GPC3: variants seen among roughly 807,000 people sequenced by gnomAD.
The protein encoded by GPC3 is glypican 3.
In GPC3, 3 loss-of-function variants were observed where a neutral mutation model predicts 34.4. The ratio of observed to expected loss-of-function variants is 0.09; its 90% CI spans 0.04 to 0.23. GPC3 has a LOEUF of 0.23. Among genes scored for constraint, GPC3 ranks in the 10% least tolerant of loss-of-function variants. The pLI, the probability that GPC3 is intolerant of heterozygous loss-of-function variation, is 1.00. For missense variants in GPC3, 351 were observed against 445.6 expected (o/e 0.79, Z 1.91); for synonymous variants, 177 against 174.0 (o/e 1.02, Z -0.13).
chrX:133,942,333 C>T (rs1304186694), intron 2 of GPC3, among the ~76,000 whole-genome samples: 1 of 111,724 alleles, frequency 9.0e-6, no homozygotes, highest in Non-Finnish European at 1.9e-5. Context: ...TATTTAATTA[C>T]ACGGACATTA....
intron 7 of GPC3, among the ~76,000 whole-genome samples, chrX:133,587,462 A>G (rs2069801034): frequency 8.9e-6 from 1 of 111,938 alleles, no homozygotes; most frequent in Non-Finnish European, 1.9e-5. Context: ...GTAAATGCCC[A>G]GTAGTGAGAT....
chrX:133,688,630 T>C (rs2071032204), intron 5 of GPC3, among the ~76,000 whole-genome samples: 1 of 111,747 alleles, frequency 8.9e-6, no homozygotes, highest in Non-Finnish European at 1.9e-5. Context: ...GTGTCTCCAC[T>C]GACAAGTCTC....
chrX:133,849,346 G>T (rs1160043992), intron 2 of GPC3, among the ~76,000 whole-genome samples: 1 of 110,610 alleles, frequency 9.0e-6, no homozygotes, highest in Admixed American at 9.6e-5. Flanking sequence ...TGAGTTCACT[G>T]AAGTTCCATA....
At chrX:133,785,740 A>ATGATG (rs2072094656) in intron 2 of GPC3, among the ~76,000 whole-genome samples, 1 of 112,153 alleles carries the variant, frequency 8.9e-6, no homozygotes, top group Non-Finnish European at 1.9e-5. Context: ...ATAAAATGAC[A>ATGATG]TGATGTCTAA....
rs1295925067 is a variant in GPC3, at chrX:133,536,302, CAA to C, written c.1574-11_1574-10del. 8.4e-7 allele frequency: 1 copy of C among 1,184,187 alleles called. No homozygotes were observed. Among genetic ancestry groups the C allele is most frequent in the Non-Finnish European group, 1.1e-6 (1 of 870,419 alleles). ...CAGATCATAGGCCAGTTCTGTCAAT[CAA>C]AAGAGAAGGATTTGAAATGCAAGTC... On this transcript the variant is annotated splice_polypyrimidine_tract_variant and intron_variant, in intron 7 of 7. Coordinates refer to ENST00000370818, the MANE Select transcript of GPC3 (RefSeq NM_004484.4).
chrX:133,735,399 A>G lies in GPC3; in HGVS notation c.1032+18083T>C, dbSNP rs192679007. ...AACAAATGGAACTTGGGACAAAAGG[A>G]TATCCACATATAGAAGAATGAAGTT... On this transcript the variant is annotated intron_variant, in intron 3 of 7. Transcript: ENST00000370818. Among the ~76,000 whole-genome samples, 319 of 111,688 alleles carry G rather than the reference A, an allele frequency of 2.9e-3. 1 individual carries two copies. Among genetic ancestry groups the G allele is most frequent in the Middle Eastern group, 0.014 (3 of 215 alleles).
In GPC3 at chrX:133,823,128, C is replaced by CA. The variant is rs34231185; in HGVS notation, c.338-68953dup. 3.7e-4 allele frequency among the ~76,000 whole-genome samples: 7 copies of CA among 18,869 alleles called. 1 individual carries two copies. The highest frequency in any genetic ancestry group is 8.6e-4 in the African/African-American group (4 of 4,643). 16.4% of individuals were successfully genotyped at this position (18,869 alleles called of 115,157 possible). On this transcript the variant is annotated intron_variant, in intron 2 of 7. Transcript: ENST00000370818. ...TGGGTGACAGAGCAAGACTCCGTCT[C>CA]AAAAAAAAAAAAAAAAAAAAAAAAA...
rs1051587825 is a variant in GPC3, at chrX:133,789,920, T to A, written c.338-35744A>T. Among the ~76,000 whole-genome samples, 60 of 111,957 alleles carry A rather than the reference T, an allele frequency of 5.4e-4. 2 individuals are homozygous for A. The Admixed American group carries it at 5.7e-3, about 11-fold the overall frequency. ...TGGGGAACTCCTACTTAACTACTGT[T>A]TTTTTCTTTCCTTTAGCTCCCCAAG... On this transcript the variant is annotated intron_variant, in intron 2 of 7. Coordinates refer to ENST00000370818, the MANE Select transcript of GPC3 (RefSeq NM_004484.4).
At chrX:133,579,085 T>TC (rs1374186750) in intron 7 of GPC3, among the ~76,000 whole-genome samples, 3 of 111,402 alleles carry the variant, frequency 2.7e-5, no homozygotes, top group Non-Finnish European at 5.7e-5. Context: ...CTTTCTCATC[T>TC]CCAAGTCATT....
chrX:133,787,007 C>A (rs559756369), intron 2 of GPC3, among the ~76,000 whole-genome samples: 16 of 111,903 alleles, frequency 1.4e-4, no homozygotes, highest in African/African-American at 4.9e-4. Context: ...GTGGGTATTT[C>A]ACTCCTTTCT....
intron 7 of GPC3, among the ~76,000 whole-genome samples, chrX:133,582,529 G>C (rs2069741306): frequency 8.9e-6 from 1 of 112,489 alleles, no homozygotes; most frequent in Non-Finnish European, 1.9e-5. Context: ...GATAAGTACA[G>C]ACATTGAAAA....
chrX:133,968,722 G>A (rs2076475914), intron 1 of GPC3, among the ~76,000 whole-genome samples: 1 of 105,974 alleles, frequency 9.4e-6, no homozygotes, highest in South Asian at 4.0e-4. Context: ...GGCAACCTAG[G>A]CTTTTTTTTT....
At chrX:133,971,461 G>T (rs747683490) in intron 1 of GPC3, among the ~76,000 whole-genome samples, 1 of 111,961 alleles carries the variant, frequency 8.9e-6, no homozygotes, top group East Asian at 2.8e-4. Flanking sequence ...GACAGAAGTG[G>T]AGAAGGCAGA....
intron 1 of GPC3, among the ~76,000 whole-genome samples, chrX:133,968,308 G>A: frequency 8.9e-6 from 1 of 112,037 alleles, no homozygotes; most frequent in East Asian, 2.8e-4. Flanking sequence ...CAGGGAGAGG[G>A]GAGTATTTGA....
intron 6 of GPC3, among the ~76,000 whole-genome samples, chrX:133,655,942 G>C: frequency 8.9e-6 from 1 of 112,288 alleles, no homozygotes; most frequent in Non-Finnish European, 1.9e-5. Flanking sequence ...TTGCACTAGA[G>C]TCTGCCAGGC....
intron 3 of GPC3, among the ~76,000 whole-genome samples, chrX:133,751,196 C>A (rs1456780300): frequency 9.0e-6 from 1 of 111,114 alleles, no homozygotes; most frequent in African/African-American, 3.3e-5. Flanking sequence ...CAGAGGCAAC[C>A]TTTGAACACT....
intron 6 of GPC3, among the ~76,000 whole-genome samples, chrX:133,650,036 C>T (rs749098520): frequency 2.8e-4 from 31 of 111,983 alleles, no homozygotes; most frequent in Non-Finnish European, 5.3e-4. Context: ...TAGCCACAAG[C>T]CCTGTGAATT....
chrX:133,681,634 C>T (rs762004502), intron 5 of GPC3, among the ~76,000 whole-genome samples: 72 of 112,010 alleles, frequency 6.4e-4, no homozygotes, highest in African/African-American at 2.2e-3. Context: ...ACCACCACCA[C>T]AATCCAACGA....
rs201942331 is a variant in GPC3 at position 133,754,145 on chromosome X, C to G, written c.369G>C (p.Lys123Asn). The G allele has an allele frequency of 2.1e-5, 25 of 1,174,878 alleles. No homozygotes were observed. Among genetic ancestry groups the G allele is most frequent in the Non-Finnish European group, 2.5e-5 (22 of 869,934 alleles). ...TCTTGAACATGGCATTGGTGTAGTTCTTGGCATGGCGAACAACAATTTCAA... is the reference window on the plus strand; with the variant it reads ...TCTTGAACATGGCATTGGTGTAGTTGTTGGCATGGCGAACAACAATTTCAA... ...EAFEIVVRHA[K>N]NYTNAMFKNN... Residue 123 changes from lysine (K) to asparagine (N), a missense_variant, in exon 3 of 8, where the codon AAG (lysine) becomes AAC (asparagine). Physicochemically the swap from Lys to Asn is moderately conservative, Grantham distance 94 (BLOSUM62 0). Coordinates refer to ENST00000370818, the MANE Select transcript of GPC3 (RefSeq NM_004484.4).
Sources: gnomAD v4.1 joint callset for allele counts (sites outside exome capture counted in the v4.1 genomes callset) on GRCh38, gnomAD v4.1.1 for gene constraint, MANE v1.5 for transcripts, NCBI Gene and HGNC (gene_info 2026-07-23, HGNC 2026-07-21) for gene names.